The following SRPK2 variants were observed in gnomAD, a reference collection of about 807,000 sequenced individuals.
SRPK2 encodes SRSF protein kinase 2, also known as SFRS protein kinase 2.
SRPK2 carries 21 observed loss-of-function variants against 90.8 expected under a neutral mutation model. That is an observed-to-expected ratio of 0.23 (90% CI 0.16 to 0.33). The LOEUF is 0.33. SRPK2 is among the 10% of genes least tolerant of loss of function. The pLI is 1.00. For missense variants in SRPK2, 620 were observed against 869.0 expected (o/e 0.71, Z 3.60); for synonymous variants, 288 against 311.1 (o/e 0.93, Z 0.78).
At chr7:105,123,876 C>T (rs1029742108) in intron 15 of SRPK2, among the ~76,000 whole-genome samples, 2 of 152,226 alleles carry the variant, frequency 1.3e-5, no homozygotes, top group African/African-American at 4.8e-5. Context: ...GAAAAAAGAA[C>T]TCGAGGTACC....
intron 2 of SRPK2, chr7:105,298,886 C>T: frequency 1.5e-6 from 1 of 678,324 alleles, no homozygotes; most frequent in Non-Finnish European, 1.8e-6. Context: ...TAGGCCAACG[C>T]CTCATACTCT....
intron 3 of SRPK2, among the ~76,000 whole-genome samples, chr7:105,188,952 C>A (rs551597434): frequency 4.6e-5 from 7 of 152,262 alleles, no homozygotes; most frequent in Middle Eastern, 3.4e-3. Flanking sequence ...GAAAAAAACC[C>A]TTATGCTACA....
intron 2 of SRPK2, among the ~76,000 whole-genome samples, chr7:105,339,672 G>GT (rs2131854527): frequency 1.3e-5 from 2 of 152,308 alleles, no homozygotes; most frequent in African/African-American, 4.8e-5. Flanking sequence ...GCAAAGGTAC[G>GT]TGCCTGACCA....
intron 3 of SRPK2, among the ~76,000 whole-genome samples, chr7:105,170,546 TAGTC>T (rs1247912137): frequency 1.3e-5 from 2 of 150,724 alleles, no homozygotes; most frequent in African/African-American, 4.9e-5. Context: ...TACAAAAAAT[TAGTC>T]AGGTGTGCTG....
intron 2 of SRPK2, among the ~76,000 whole-genome samples, chr7:105,373,316 C>T (rs894935890): frequency 6.6e-6 from 1 of 151,550 alleles, no homozygotes; most frequent in Non-Finnish European, 1.5e-5. Flanking sequence ...AAATCTCATT[C>T]TCCTTAGACT....
intron 2 of SRPK2, among the ~76,000 whole-genome samples, chr7:105,240,994 G>A (rs568633608): frequency 6.6e-6 from 1 of 152,242 alleles, no homozygotes; most frequent in South Asian, 2.1e-4. Context: ...CAAAATTGGA[G>A]GGAAGGGATT....
intron 2 of SRPK2, among the ~76,000 whole-genome samples, chr7:105,208,025 A>C (rs778990945): frequency 6.6e-6 from 1 of 152,222 alleles, no homozygotes; most frequent in Non-Finnish European, 1.5e-5. Flanking sequence ...TATACACATG[A>C]CCAATAAATA....
intron 2 of SRPK2, among the ~76,000 whole-genome samples, chr7:105,322,855 A>G (rs537011838): frequency 4.6e-5 from 7 of 152,198 alleles, no homozygotes; most frequent in Non-Finnish European, 1.0e-4. Flanking sequence ...CTAAAACTCT[A>G]AAGCCTCCCT....
At chr7:105,266,803 A>T (rs1019396263) in intron 2 of SRPK2, among the ~76,000 whole-genome samples, 1 of 152,198 alleles carries the variant, frequency 6.6e-6, no homozygotes. Flanking sequence ...TAAACTTCAG[A>T]TTCTTATTTT....
chr7:105,232,811 G>A (rs1450937918), intron 2 of SRPK2, among the ~76,000 whole-genome samples: 4 of 151,892 alleles, frequency 2.6e-5, no homozygotes, highest in South Asian at 2.1e-4. Flanking sequence ...TCAAGAGATC[G>A]AGACCATCCT....
intron 2 of SRPK2, among the ~76,000 whole-genome samples, chr7:105,299,298 AT>A (rs1810239519): frequency 6.6e-6 from 1 of 152,144 alleles, no homozygotes; most frequent in Non-Finnish European, 1.5e-5. Context: ...TTTTGTTTTC[AT>A]TTTTTATTAT....
intron 2 of SRPK2, among the ~76,000 whole-genome samples, chr7:105,327,229 G>GA (rs1554510946): frequency 3.9e-4 from 59 of 151,906 alleles, no homozygotes; most frequent in East Asian, 3.1e-3. Flanking sequence ...AATGGTTGGG[G>GA]AAAAAATCAA....
intron 2 of SRPK2, among the ~76,000 whole-genome samples, chr7:105,377,633 T>TGCTGCAGTGAGAACTGAGATCGCGCC (rs1205133705): frequency 2.0e-5 from 3 of 151,948 alleles, no homozygotes; most frequent in Non-Finnish European, 2.9e-5. Context: ...GGGAGGCAGA[T>TGCTGCAGTGAGAACTGAGATCGCGCC]GCTGCAGTGA....
intron 7 of SRPK2, among the ~76,000 whole-genome samples, chr7:105,159,097 C>G (rs2129581521): frequency 6.6e-6 from 1 of 152,198 alleles, no homozygotes; most frequent in South Asian, 2.1e-4. Flanking sequence ...AGAAACACCT[C>G]AATTCAACTG....
At chr7:105,272,865 G>C (rs17640623) in intron 2 of SRPK2, among the ~76,000 whole-genome samples, 65,802 of 151,810 alleles carry the variant, frequency 0.43, 15,625 homozygotes, top group South Asian at 0.53. Context: ...CACCATTGCC[G>C]TACCAAACCT....
At chr7:105,380,979 C>A (rs1175191153) in intron 2 of SRPK2, among the ~76,000 whole-genome samples, 4 of 144,948 alleles carry the variant, frequency 2.8e-5, no homozygotes, top group Non-Finnish European at 6.0e-5. Context: ...AAAAGCTGGG[C>A]CAGGGGCAGT....
intron 2 of SRPK2, among the ~76,000 whole-genome samples, chr7:105,289,489 A>C (rs1186614774): frequency 6.6e-6 from 1 of 152,096 alleles, no homozygotes; most frequent in Non-Finnish European, 1.5e-5. Context: ...ATAGACTATT[A>C]AGTGTGCGGC....
At chr7:105,286,596 A>C (rs987628507) in intron 2 of SRPK2, among the ~76,000 whole-genome samples, 1 of 152,186 alleles carries the variant, frequency 6.6e-6, no homozygotes, top group Non-Finnish European at 1.5e-5. Flanking sequence ...GACCAACGAA[A>C]TCACTCTCTG....
intron 3 of SRPK2, among the ~76,000 whole-genome samples, chr7:105,197,754 T>C (rs1795095342): frequency 6.6e-6 from 1 of 152,112 alleles, no homozygotes; most frequent in Non-Finnish European, 1.5e-5. Context: ...AAGGGTCTGA[T>C]TAGAGGTCGA....
Sources: gnomAD v4.1 joint callset for allele counts (sites outside exome capture counted in the v4.1 genomes callset) on GRCh38, gnomAD v4.1.1 for gene constraint, MANE v1.5 for transcripts, NCBI Gene and HGNC (gene_info 2026-07-23, HGNC 2026-07-21) for gene names.